Variants in RIMKLB observed in about 807,000 individuals in gnomAD.
RIMKLB encodes beta-citrylglutamate synthase B.
RIMKLB carries 7 observed loss-of-function variants against 32.0 expected under a neutral mutation model. The ratio of observed to expected loss-of-function variants is 0.22; its 90% CI spans 0.12 to 0.41. The LOEUF (loss-of-function observed/expected upper bound fraction) is 0.41, where lower values mean the gene tolerates loss of function less well. Ranked by LOEUF, RIMKLB falls within the 10% of genes least tolerant of loss-of-function variation. The pLI is 1.00. For synonymous variants in RIMKLB, 172 were observed against 185.1 expected, an observed-to-expected ratio of 0.93 and a Z score of 0.57; for missense variants, 289 against 498.7, an observed-to-expected ratio of 0.58 and a Z score of 4.00.
chr12:8,782,721 ATCT>A (rs1951168159), intron 7 of RIMKLB, among the ~76,000 whole-genome samples: 1 of 152,170 alleles, frequency 6.6e-6, no homozygotes. Flanking sequence ...ATCAGAGTAT[ATCT>A]TTGTTAACTG....
chr12:8,734,642 G>A (rs1946835479), intron 2 of RIMKLB, among the ~76,000 whole-genome samples: 1 of 151,948 alleles, frequency 6.6e-6, no homozygotes, highest in Non-Finnish European at 1.5e-5. Context: ...TGTTTTTGTT[G>A]GTGGCCACTG....
At chr12:8,677,920 T>C (rs949339480), upstream of RIMKLB, among the ~76,000 whole-genome samples, 3 of 148,016 alleles carry the variant, frequency 2.0e-5, no homozygotes, top group Admixed American at 2.0e-4. Flanking sequence ...GCCTGGCTAA[T>C]TTATTTTTAT....
At chr12:8,726,869 CCT>C (rs1305741545) in intron 2 of RIMKLB, among the ~76,000 whole-genome samples, 7 of 151,886 alleles carry the variant, frequency 4.6e-5, no homozygotes, top group East Asian at 3.9e-4. Flanking sequence ...CTTTGTTACC[CCT>C]GTTTTTCTTA....
In RIMKLB at chr12:8,777,170, T is replaced by C; in HGVS notation, c.*3386T>C. 1 of 982,774 alleles carries C rather than the reference T, an allele frequency of 1.0e-6. No individual in the cohort carries two copies. Among genetic ancestry groups the C allele is most frequent in the Non-Finnish European group, 1.2e-6 (1 of 827,858 alleles). 60.9% of individuals were successfully genotyped at this position (982,774 alleles called of 1,614,324 possible). ...TACTAGGATTTTAAAAAATGTAATA[T>C]ATTGCAGGATTTATAACCAGGTTCA... On this transcript the variant is annotated 3_prime_UTR_variant, in exon 6 of 6. Transcript: ENST00000535829.
chr12:8,672,887 A>G, the RIMKLB span, among the ~76,000 whole-genome samples: 1 of 152,192 alleles, frequency 6.6e-6, no homozygotes, highest in East Asian at 1.9e-4. Flanking sequence ...CTGTGGAATC[A>G]TAAGCCAATT....
Position 8,713,928 on chromosome 12 carries a change from A to G in RIMKLB, c.62A>G (p.Tyr21Cys), listed in dbSNP as rs372596598. Reference protein sequence around the residue: ...FLTDRRIREDYPQKEILRALK... With the variant: ...FLTDRRIREDCPQKEILRALK... The stretch of plus-strand genomic sequence containing the variant: ...ACAGATCGTCGCATCAGGGAAGACT[A>G]TCCTCAAAAAGAGATTTTACGAGCA... The change falls in exon 2 of 6, where the codon TAT becomes TGT. Residue 21 changes from tyrosine (Y) to cysteine (C), a missense_variant. Tyr to Cys is a radical substitution (Grantham distance 194). Coordinates refer to ENST00000535829, the MANE Select transcript of RIMKLB (RefSeq NM_001297776.2). The G allele has an allele frequency of 1.1e-5, 18 of 1,614,008 alleles. No homozygotes were observed. Among genetic ancestry groups the G allele is most frequent in the East Asian group, 2.2e-5 (1 of 44,890 alleles).
chr12:8,715,730 G>A lies in RIMKLB; in HGVS notation c.175+1689G>A, dbSNP rs188217775. On this transcript the variant is annotated intron_variant, in intron 2 of 5. Coordinates refer to ENST00000535829, the MANE Select transcript of RIMKLB (RefSeq NM_001297776.2). ...TGTGCTGGATAGTGGTATGGTATAC[G>A]AAATAAAATAAAGTCCTCATATATT... Among the ~76,000 whole-genome samples, 353 of 152,198 alleles carry A rather than the reference G, an allele frequency of 2.3e-3. 2 individuals carry two copies. Among genetic ancestry groups the A allele is most frequent in the Non-Finnish European group, 4.2e-3 (285 of 68,014 alleles).
chr12:8,736,207 G>T (rs945178741), intron 2 of RIMKLB, among the ~76,000 whole-genome samples: 1 of 152,102 alleles, frequency 6.6e-6, no homozygotes, highest in Admixed American at 6.5e-5. Flanking sequence ...CTACAAGTTT[G>T]GTGTCTGCTT....
intron 5 of RIMKLB, among the ~76,000 whole-genome samples, chr12:8,767,918 T>A: frequency 6.6e-6 from 1 of 152,184 alleles, no homozygotes; most frequent in Non-Finnish European, 1.5e-5. Context: ...CCAAAGTGGT[T>A]CAATATTATT....
At chr12:8,745,319 T>A (rs772145636) in intron 2 of RIMKLB, among the ~76,000 whole-genome samples, 1 of 151,852 alleles carries the variant, frequency 6.6e-6, no homozygotes, top group African/African-American at 2.4e-5. Context: ...CTTATTGAGG[T>A]CCTAGGTGTC....
intron 4 of RIMKLB, among the ~76,000 whole-genome samples, chr12:8,752,584 C>T (rs1395441269): frequency 1.3e-5 from 2 of 152,156 alleles, no homozygotes; most frequent in East Asian, 1.9e-4. Flanking sequence ...GACCTTAGAT[C>T]ACTAACTCCA....
upstream of RIMKLB, among the ~76,000 whole-genome samples, chr12:8,678,522 T>A (rs905675580): frequency 1.3e-5 from 2 of 150,884 alleles, no homozygotes; most frequent in African/African-American, 4.9e-5. Flanking sequence ...GAGACGGGGT[T>A]TCTCCATGTT....
At chr12:8,696,416 A>G (rs115192902), upstream of RIMKLB, among the ~76,000 whole-genome samples, 787 of 152,306 alleles carry the variant, frequency 5.2e-3, 3 homozygotes, top group African/African-American at 0.018. Context: ...AATTTTGTAA[A>G]CCAACTAGAC....
At chr12:8,676,433 C>G in the RIMKLB span, among the ~76,000 whole-genome samples, 1 of 94,806 alleles carries the variant, frequency 1.1e-5, no homozygotes, top group Non-Finnish European at 1.9e-5. Flanking sequence ...GAGTCTTGCT[C>G]TGTTGCCCAG....
intron 2 of RIMKLB, among the ~76,000 whole-genome samples, chr12:8,715,228 C>CCTTTTTTTTTTTTTTT (rs1445737752): frequency 6.5e-5 from 8 of 123,762 alleles, no homozygotes; most frequent in African/African-American, 2.6e-4. Context: ...TGCTCTTGTT[C>CCTTTTTTTTTTTTTTT]TTTTTTTTTT....
chr12:8,773,899 T>C lies in RIMKLB; in HGVS notation c.*115T>C. The C allele has an allele frequency of 6.9e-7, 1 of 1,449,790 alleles. No individual in the cohort carries two copies. 89.8% of individuals were successfully genotyped at this position (1,449,790 alleles called of 1,614,324 possible). ...GATGCTCAGGAAGATGAGAGAAAAT[T>C]AGTAGGATTAGTTGGAGAGAGTGGG... On this transcript the variant is annotated 3_prime_UTR_variant, in exon 6 of 6. Coordinates refer to ENST00000535829, the MANE Select transcript of RIMKLB (RefSeq NM_001297776.2).
At chr12:8,704,941 G>A (rs1943718965) in intron 1 of RIMKLB, among the ~76,000 whole-genome samples, 1 of 149,398 alleles carries the variant, frequency 6.7e-6, no homozygotes, top group African/African-American at 2.5e-5. Context: ...GTCACTGCAG[G>A]CTTGGTGCAG....
intron 2 of RIMKLB, among the ~76,000 whole-genome samples, chr12:8,716,047 C>T (rs1455288228): frequency 6.6e-6 from 1 of 152,146 alleles, no homozygotes; most frequent in Non-Finnish European, 1.5e-5. Flanking sequence ...TGAGAAGAGA[C>T]ATGCCAGTGT....
chr12:8,684,338 A>G (rs1463510755), intron 1 of RIMKLB, among the ~76,000 whole-genome samples: 1 of 151,484 alleles, frequency 6.6e-6, no homozygotes, highest in Non-Finnish European at 1.5e-5. Context: ...ACACCCAACT[A>G]ATTTTTGTAT....
Sources: allele counts gnomAD v4.1 joint callset (sites outside exome capture counted in the v4.1 genomes callset), GRCh38; gene constraint gnomAD v4.1.1; transcripts MANE v1.5; gene names NCBI Gene and HGNC (gene_info 2026-07-23, HGNC 2026-07-21).